Variants in BIN1 observed in about 807,000 individuals in gnomAD.
BIN1 encodes the protein myc box-dependent-interacting protein 1.
Under a neutral mutation model 82.0 loss-of-function variants are expected in BIN1, and 53 were observed. The observed-to-expected ratio is 0.65, with a 90% CI of 0.52 to 0.81. The LOEUF is 0.81. Ranked by LOEUF, BIN1 falls within the 40% of genes least tolerant of loss-of-function variation. The pLI is 0.00. For missense variants in BIN1, 642 were observed against 784.4 expected (o/e 0.82, Z 2.17); for synonymous variants, 302 against 328.0 (o/e 0.92, Z 0.86).
intron 5 of BIN1, among the ~76,000 whole-genome samples, chr2:127,069,715 C>T (rs1415855873): frequency 6.7e-6 from 1 of 149,608 alleles, no homozygotes; most frequent in African/African-American, 2.5e-5. Context: ...AATCATATAG[C>T]CAGCCACTCC....
At chr2:127,096,710 A>G (rs976189445) in intron 1 of BIN1, among the ~76,000 whole-genome samples, 1 of 152,152 alleles carries the variant, frequency 6.6e-6, no homozygotes, top group African/African-American at 2.4e-5. Context: ...CAGGCCAGAG[A>G]AAAAAGGGGA....
rs548415168 is a variant in BIN1 at position 127,073,059 on chromosome 2, C to T, written c.166-2243G>A. Among the ~76,000 whole-genome samples, 40 of 152,328 alleles carry T rather than the reference C, an allele frequency of 2.6e-4. No individual in the cohort carries two copies. In the South Asian group the frequency reaches 6.0e-3, roughly 23 times the overall value. On this transcript the variant is annotated intron_variant, in intron 2 of 18. Transcript: ENST00000316724. ...CAGCAGGGGTCCCCATGGGGTGGGTCGTTGTGCTCCCCCGGGCTTCAGGCC... is the reference window on the plus strand; with the variant it reads ...CAGCAGGGGTCCCCATGGGGTGGGTTGTTGTGCTCCCCCGGGCTTCAGGCC...
At chr2:127,100,999 C>CGGGGCGGGG (rs1553487376) in intron 1 of BIN1, among the ~76,000 whole-genome samples, 2 of 101,684 alleles carry the variant, frequency 2.0e-5, no homozygotes, top group African/African-American at 9.9e-5. Context: ...TAGGAATGTG[C>CGGGGCGGGG]GGGGGGTGGG....
chr2:127,058,047 C>T (rs1434450328), intron 11 of BIN1, among the ~76,000 whole-genome samples: 1 of 152,126 alleles, frequency 6.6e-6, no homozygotes, highest in African/African-American at 2.4e-5. Context: ...CCCCTCTCTC[C>T]ACCTCCCAGG....
At chr2:127,105,722 CAA>C (rs1457049033) in intron 1 of BIN1, among the ~76,000 whole-genome samples, 1 of 152,182 alleles carries the variant, frequency 6.6e-6, no homozygotes, top group Non-Finnish European at 1.5e-5. Flanking sequence ...GTCTCAGAAG[CAA>C]AAGTCATTGT....
intron 1 of BIN1, among the ~76,000 whole-genome samples, chr2:127,085,601 C>T (rs549805983): frequency 7.2e-5 from 11 of 152,150 alleles, no homozygotes; most frequent in South Asian, 6.3e-4. Context: ...GGGGAGAGCC[C>T]ATAATGAGGA....
intron 1 of BIN1, among the ~76,000 whole-genome samples, chr2:127,101,594 C>G (rs1680358319): frequency 6.6e-6 from 1 of 152,220 alleles, no homozygotes; most frequent in Non-Finnish European, 1.5e-5. Flanking sequence ...CCTGGGTCCC[C>G]ACTCCCTAGA....
rs150660122 is a variant in BIN1, at chr2:127,059,555, G to GCACA, written c.858-404_858-401dup. On this transcript the variant is annotated intron_variant, in intron 10 of 18. Transcript: ENST00000316724. The surrounding 1 kb of genome is among the most constrained non-coding windows in gnomAD (Gnocchi z 6.7). ...CAGGAGAAAGCCAGACATCCTAGAG[G>GCACA]CACAGTGAGTCTCCCACACCACACG... Among the ~76,000 whole-genome samples the GCACA allele has an allele frequency of 0.029, 4,464 of 152,104 alleles. 198 individuals carry two copies. Among genetic ancestry groups the GCACA allele is most frequent in the African/African-American group, 0.097 (4,013 of 41,442 alleles).
rs1244364944 is a variant in BIN1 at position 127,067,434 on chromosome 2, C to T, written c.612+729G>A. ...GCTGAGAAGACCATAGCCTCTATGG[C>T]CAGGATGGTGAGATGGCCCAGGAGT... On this transcript the variant is annotated intron_variant, in intron 7 of 18. Transcript: ENST00000316724. The surrounding 1 kb of genome is among the most constrained non-coding windows in gnomAD (Gnocchi z 4.7). 1.3e-5 allele frequency among the ~76,000 whole-genome samples: 2 copies of T among 152,208 alleles called. No homozygotes were observed. Among genetic ancestry groups the T allele is most frequent in the East Asian group, 1.9e-4 (1 of 5,200 alleles).
chr2:127,061,334 C>G (rs1296749421), intron 10 of BIN1, among the ~76,000 whole-genome samples: 1 of 152,146 alleles, frequency 6.6e-6, no homozygotes, highest in Non-Finnish European at 1.5e-5. Context: ...CAATCACCAC[C>G]ACCCGATACC....
intron 5 of BIN1, among the ~76,000 whole-genome samples, chr2:127,069,731 A>AACACACACACACAC (rs3832046): frequency 5.4e-5 from 8 of 147,586 alleles, no homozygotes; most frequent in African/African-American, 2.0e-4. Context: ...ACTCCGCAGC[A>AACACACACACACAC]ACACACACAC....
In BIN1 at chr2:127,053,618, C is replaced by T. The variant is rs373614051; in HGVS notation, c.1240-173G>A. 4.1e-5 allele frequency: 36 copies of T among 879,296 alleles called. No homozygotes were observed. The East Asian group carries it at 6.9e-4, about 17-fold the overall frequency. The allele number at this position is 879,296 out of a possible 1,614,324, so 54.5% of individuals were successfully genotyped here. ...GATTTGCAGGTGGCCGAGCTCCCGACACCTCTCAGGGAGCTTCAAGACCCC... is the reference window on the plus strand; with the variant it reads ...GATTTGCAGGTGGCCGAGCTCCCGATACCTCTCAGGGAGCTTCAAGACCCC... On this transcript the variant is annotated intron_variant, in intron 13 of 18. Coordinates refer to ENST00000316724, the MANE Select transcript of BIN1 (RefSeq NM_139343.3).
rs1680413740 is a variant in BIN1 at position 127,101,992 on chromosome 2, A to G, written c.84+4868T>C. 2.0e-5 allele frequency among the ~76,000 whole-genome samples: 3 copies of G among 152,290 alleles called. No homozygotes were observed. In the South Asian group the frequency reaches 6.2e-4, roughly 32 times the overall value. On this transcript the variant is annotated intron_variant, in intron 1 of 18. Transcript: ENST00000316724. ...TGGGCTCAAGGTGCCGCTCTGCCAC[A>G]GAGCTGGCATTCAATGAGCACTTGC...
At chr2:127,088,965 G>A (rs531256672) in intron 1 of BIN1, among the ~76,000 whole-genome samples, 5 of 152,142 alleles carry the variant, frequency 3.3e-5, no homozygotes, top group African/African-American at 4.8e-5. Flanking sequence ...CAAGACCGGC[G>A]TGGCTGAGAG....
Position 127,059,075 on chromosome 2 carries a change from T to A in BIN1, c.938A>T (p.Asn313Ile). 6.3e-7 allele frequency: 1 copy of A among 1,588,104 alleles called. No homozygotes were observed. Among genetic ancestry groups the A allele is most frequent in the Non-Finnish European group, 8.6e-7 (1 of 1,168,274 alleles). The change falls in exon 11 of 19, where the codon AAC becomes ATC. Residue 313 changes from asparagine (N) to isoleucine (I), a missense_variant. Transcript: ENST00000316724. The surrounding 1 kb of genome is among the most constrained non-coding windows in gnomAD (Gnocchi z 6.7). ...SPAATPEIRVNHEPEPAGGAT... is the reference protein window; with the variant it reads ...SPAATPEIRVIHEPEPAGGAT... ...CCCGCCGGCCGGCTCTGGCTCGTGG[T>A]TGACTCTGATCTCGGGGGTGGCGGC... is the stretch of plus-strand genomic sequence containing the variant.
Position 127,054,303 on chromosome 2 carries a change from G to A in BIN1, c.1132-291C>T, listed in dbSNP as rs553161568. The A allele has an allele frequency of 9.0e-4, 403 of 448,742 alleles. 4 individuals carry two copies. The highest frequency in any genetic ancestry group is 8.0e-3 in the South Asian group (371 of 46,248). The allele number at this position is 448,742 out of a possible 1,614,324, so 27.8% of individuals were successfully genotyped here. The stretch of plus-strand genomic sequence containing the variant: ...GCCTCAAACTCCCAGTCATAGGTCC[G>A]CCCGTGGCCGCCACCCCGCAGGGCC... On this transcript the variant is annotated intron_variant, in intron 12 of 18. Coordinates refer to ENST00000316724, the MANE Select transcript of BIN1 (RefSeq NM_139343.3).
Position 127,057,457 on chromosome 2 carries a change from G to T in BIN1, c.1131+16C>A. On this transcript the variant is annotated intron_variant, in intron 12 of 18. Transcript: ENST00000316724. This position sits in a 1 kb window ranked among gnomAD's most constrained non-coding sequence, Gnocchi z 5.0. ...CAGGAAGAGAGGAGAGCTGGGCCGC[G>T]GCGGCCGCGGCTGACCTGGGAGGGG... 6 of 1,542,384 alleles carry T rather than the reference G, an allele frequency of 3.9e-6. No individual in the cohort carries two copies. Among genetic ancestry groups the T allele is most frequent in the Non-Finnish European group, 5.3e-6 (6 of 1,142,190 alleles).
At chr2:127,073,381 A>G (rs1686168345) in intron 2 of BIN1, among the ~76,000 whole-genome samples, 1 of 152,234 alleles carries the variant, frequency 6.6e-6, no homozygotes, top group South Asian at 2.1e-4. Context: ...CCCAGAGTTC[A>G]CAGAGCCCAG....
Position 127,050,356 on chromosome 2 carries a change from G to T in BIN1, c.1674+65C>A. 12 of 1,573,260 alleles carry T rather than the reference G, an allele frequency of 7.6e-6. 1 individual carries two copies. Among genetic ancestry groups the T allele is most frequent in the Non-Finnish European group, 1.0e-5 (12 of 1,145,604 alleles). ...CCTGCTGGCCTGTCTCCGCCACGGCGGTGCCAGCCGCAGCCAGGATGCCTG... is the reference window on the plus strand; with the variant it reads ...CCTGCTGGCCTGTCTCCGCCACGGCTGTGCCAGCCGCAGCCAGGATGCCTG... On this transcript the variant is annotated intron_variant, in intron 18 of 18. Coordinates refer to ENST00000316724, the MANE Select transcript of BIN1 (RefSeq NM_139343.3).
Sources: gnomAD v4.1 joint callset for allele counts (sites outside exome capture counted in the v4.1 genomes callset) on GRCh38, gnomAD v4.1.1 for gene constraint, Gnocchi (gnomAD v3.1) non-coding constraint, MANE v1.5 for transcripts, NCBI Gene and HGNC (gene_info 2026-07-23, HGNC 2026-07-21) for gene names.